The following AKAP9 variants were observed in gnomAD, a reference collection of about 807,000 sequenced individuals.
AKAP9 encodes A-kinase anchor protein 9.
AKAP9 carries 311 observed loss-of-function variants against 488.5 expected under a neutral mutation model. The ratio of observed to expected loss-of-function variants is 0.64; its 90% CI spans 0.58 to 0.70. The LOEUF is 0.70. Among genes scored for constraint, AKAP9 ranks in the 30% least tolerant of loss-of-function variants. The pLI, the probability that AKAP9 is intolerant of heterozygous loss-of-function variation, is 0.00. For missense variants in AKAP9, 4,215 were observed against 4,374.5 expected (o/e 0.96, Z 1.03); for synonymous variants, 1,462 against 1,483.5 (o/e 0.99, Z 0.33).
intron 15 of AKAP9, among the ~76,000 whole-genome samples, chr7:92,030,600 C>T (rs1378728370): frequency 6.7e-6 from 1 of 149,830 alleles, no homozygotes; most frequent in Non-Finnish European, 1.5e-5. Context: ...TGCGATTGCA[C>T]CACTGCACTC....
intron 12 of AKAP9, among the ~76,000 whole-genome samples, chr7:92,019,145 T>C (rs1355874492): frequency 6.8e-6 from 1 of 146,744 alleles, no homozygotes; most frequent in Non-Finnish European, 1.5e-5. Context: ...TTTACTTTCC[T>C]TTTTTTTTTT....
intron 30 of AKAP9, among the ~76,000 whole-genome samples, chr7:92,078,698 T>C (rs1399952867): frequency 6.6e-6 from 1 of 152,194 alleles, no homozygotes; most frequent in African/African-American, 2.4e-5. Flanking sequence ...GATTTTATCA[T>C]GTTATTCTAA....
At chr7:92,098,784 T>C (rs956168269) in intron 43 of AKAP9, among the ~76,000 whole-genome samples, 4 of 152,194 alleles carry the variant, frequency 2.6e-5, no homozygotes, top group Admixed American at 2.0e-4. Context: ...ACTAGACTTA[T>C]TTATTAAACA....
chr7:92,007,616 C>T (rs1800088276), intron 8 of AKAP9, among the ~76,000 whole-genome samples: 2 of 152,128 alleles, frequency 1.3e-5, no homozygotes, highest in South Asian at 4.1e-4. Flanking sequence ...ATTTGAATAT[C>T]GTAAAAACCC....
chr7:92,080,804 C>T (rs1411255407), intron 31 of AKAP9, among the ~76,000 whole-genome samples: 2 of 152,036 alleles, frequency 1.3e-5, no homozygotes, highest in Non-Finnish European at 2.9e-5. Flanking sequence ...TAGGTGTTTG[C>T]CTTATTTGGA....
intron 7 of AKAP9, among the ~76,000 whole-genome samples, chr7:91,999,179 G>A (rs1413561849): frequency 6.6e-6 from 1 of 152,066 alleles, no homozygotes; most frequent in Non-Finnish European, 1.5e-5. Flanking sequence ...CAACTGAGAC[G>A]AGCTACCTCA....
chr7:92,060,318 A>T (rs1809553928), intron 22 of AKAP9, among the ~76,000 whole-genome samples: 1 of 152,132 alleles, frequency 6.6e-6, no homozygotes, highest in Non-Finnish European at 1.5e-5. Context: ...ACAAATTCTT[A>T]TGACTTTACT....
At chr7:92,008,455 A>C (rs1286977333) in intron 8 of AKAP9, among the ~76,000 whole-genome samples, 1 of 152,114 alleles carries the variant, frequency 6.6e-6, no homozygotes, top group Non-Finnish European at 1.5e-5. Flanking sequence ...TGGTAGGCCG[A>C]GGTGGGTGGA....
At chr7:91,957,467 G>A (rs1793159423) in intron 1 of AKAP9, among the ~76,000 whole-genome samples, 1 of 152,068 alleles carries the variant, frequency 6.6e-6, no homozygotes, top group African/African-American at 2.4e-5. Flanking sequence ...CTAATCCTAT[G>A]TGCTGTTCTA....
intron 43 of AKAP9, among the ~76,000 whole-genome samples, chr7:92,099,255 TG>T (rs1348588480): frequency 6.6e-6 from 1 of 152,224 alleles, no homozygotes; most frequent in East Asian, 1.9e-4. Flanking sequence ...ATTTCTTACC[TG>T]GCTGTTGAAA....
Position 92,016,127 on chromosome 7 carries a change from A to G in AKAP9, c.3613-2A>G. The stretch of plus-strand genomic sequence containing the variant: ...TAAAATACACAATTTTGTTGTTAAC[A>G]GACTTTATGCAGTGTCCTTGGTGAA... On this transcript the variant is annotated splice_acceptor_variant, in intron 10 of 49. Coordinates refer to ENST00000356239, the MANE Select transcript of AKAP9 (RefSeq NM_005751.5). LOFTEE classifies it high-confidence loss of function. 1 of 1,600,786 alleles carries G rather than the reference A, an allele frequency of 6.2e-7. No individual in the cohort carries two copies. The highest frequency in any genetic ancestry group is 8.6e-7 in the Non-Finnish European group (1 of 1,169,204).
In AKAP9 at chr7:92,029,970, G is replaced by A. The variant is rs750252641; in HGVS notation, c.4224G>A (p.Lys1408=). ...RTMYPGSCVK[K]NIDGTIEFSG... ...TGTACCCTGGAAGTTGTGTGAAAAA[G>A]AATATTGATGGTACAATAGAGGTAT... The change falls in exon 15 of 50, where the codon AAG becomes AAA. Residue 1408 remains lysine (K), a synonymous_variant. Transcript: ENST00000356239. The A allele has an allele frequency of 1.7e-5, 27 of 1,608,610 alleles. 1 individual carries two copies. The South Asian group carries it at 3.0e-4, about 18-fold the overall frequency.
chr7:91,949,601 C>A (rs1259148958), intron 1 of AKAP9, among the ~76,000 whole-genome samples: 1 of 152,044 alleles, frequency 6.6e-6, no homozygotes, highest in Admixed American at 6.5e-5. Flanking sequence ...ATATTGACAC[C>A]CCTTTTATTT....
At chr7:92,094,782 G>A (rs1003064003) in intron 39 of AKAP9, among the ~76,000 whole-genome samples, 5 of 152,168 alleles carry the variant, frequency 3.3e-5, no homozygotes, top group African/African-American at 9.7e-5. Flanking sequence ...GCAGTGAGCC[G>A]AGATGGCGCT....
At chr7:92,051,632 A>G (rs994575373) in intron 21 of AKAP9, among the ~76,000 whole-genome samples, 1 of 152,320 alleles carries the variant, frequency 6.6e-6, no homozygotes, top group South Asian at 2.1e-4. Flanking sequence ...GCTGTATCTG[A>G]TGTCATTACT....
intron 39 of AKAP9, 61 bp downstream of exon 39, chr7:92,093,377 C>G (rs757902724): frequency 2.1e-6 from 3 of 1,416,290 alleles, no homozygotes; most frequent in Non-Finnish European, 3.0e-6. Flanking sequence ...TTGTCATAAA[C>G]ACTGTGCAAA....
chr7:91,973,627 G>C, intron 1 of AKAP9, 84 bp from the exon 2 acceptor site: 1 of 1,410,462 alleles, frequency 7.1e-7, no homozygotes. Flanking sequence ...ATCTTTAAAA[G>C]AGAGACTCCC....
intron 15 of AKAP9, among the ~76,000 whole-genome samples, chr7:92,030,238 G>T (rs1449413743): frequency 6.6e-6 from 1 of 152,170 alleles, no homozygotes; most frequent in Non-Finnish European, 1.5e-5. Context: ...TATAGTTTAA[G>T]ATTTATCTTG....
intron 15 of AKAP9, 22 bp from the exon 16 acceptor site, chr7:92,031,490 C>T (rs376458273): frequency 9.3e-6 from 14 of 1,501,536 alleles, no homozygotes; most frequent in Non-Finnish European, 1.3e-5. Context: ...AAATAAATGT[C>T]ATATTTTGCT....
Sources: allele counts gnomAD v4.1 joint callset (sites outside exome capture counted in the v4.1 genomes callset), GRCh38; gene constraint gnomAD v4.1.1; transcripts MANE v1.5; gene names NCBI Gene and HGNC (gene_info 2026-07-23, HGNC 2026-07-21).